Variants in IL23R observed in about 807,000 individuals in gnomAD.
IL23R encodes the protein interleukin-23 receptor.
IL23R carries 34 observed loss-of-function variants against 56.9 expected under a neutral mutation model. The observed-to-expected ratio is 0.60, with a 90% confidence interval of 0.45 to 0.80. IL23R has a LOEUF of 0.80. IL23R is among the 30% of genes least tolerant of loss of function. IL23R has a pLI of 0.00. For missense variants in IL23R, 635 were observed against 730.0 expected, an observed-to-expected ratio of 0.87 and a Z score of 1.50; for synonymous variants, 230 against 249.2, an observed-to-expected ratio of 0.92 and a Z score of 0.73.
At chr1:67,179,906 A>G (rs9677757) in intron 3 of IL23R, among the ~76,000 whole-genome samples, 2 of 152,216 alleles carry the variant, frequency 1.3e-5, no homozygotes, top group Admixed American at 1.3e-4. Flanking sequence ...CAGGTTGTTC[A>G]GTTTCCATGT....
intron 9 of IL23R, among the ~76,000 whole-genome samples, chr1:67,248,479 C>A (rs1284552355): frequency 6.6e-6 from 1 of 152,042 alleles, no homozygotes; most frequent in Non-Finnish European, 1.5e-5. Flanking sequence ...CATTTATGTT[C>A]TTCTCTACCC....
chr1:67,197,625 T>G (rs568892814), intron 4 of IL23R, among the ~76,000 whole-genome samples: 60 of 152,348 alleles, frequency 3.9e-4, no homozygotes, highest in African/African-American at 1.4e-3. Context: ...GACACTCCTG[T>G]GTTAGTCCAT....
Position 67,258,567 on chromosome 1 carries a change from A to G in IL23R, c.1329A>G (p.Pro443=), listed in dbSNP as rs775838355. ...MITEIKEIFI[P]EHKPTDYKKE... ...CAGAGATAAAAGAAATCTTCATCCCAGAACACAAGCCTACAGACTACAAGA... is the reference window on the plus strand; with the variant it reads ...CAGAGATAAAAGAAATCTTCATCCCGGAACACAAGCCTACAGACTACAAGA... The change falls in exon 11 of 11, where the codon CCA becomes CCG. Residue 443 remains proline (P), a synonymous_variant. Coordinates refer to ENST00000347310, the MANE Select transcript of IL23R (RefSeq NM_144701.3). 7.4e-6 allele frequency: 12 copies of G among 1,611,760 alleles called. No individual in the cohort carries two copies. Among genetic ancestry groups the G allele is most frequent in the African/African-American group, 4.0e-5 (3 of 74,816 alleles).
chr1:67,203,639 A>G (rs1648791632), intron 5 of IL23R, among the ~76,000 whole-genome samples: 1 of 152,222 alleles, frequency 6.6e-6, no homozygotes, highest in Non-Finnish European at 1.5e-5. Context: ...CAAAACCACC[A>G]GATTATTAAC....
intron 3 of IL23R, among the ~76,000 whole-genome samples, chr1:67,180,047 T>TCAG (rs1647085623): frequency 6.6e-6 from 1 of 151,766 alleles, no homozygotes; most frequent in African/African-American, 2.4e-5. Flanking sequence ...GACTATGTGG[T>TCAG]CAATTTGGAA....
chr1:67,200,753 G>A lies in IL23R; in HGVS notation c.508G>A (p.Glu170Lys). ...TGTTTTAAGTTTAGAGACAGAAGAA[G>A]AGCAACAGTATCTCACCTCAAGCTA... ...VHVKSLETEEEQQYLTSSYIN... is the reference protein window; with the variant it reads ...VHVKSLETEEKQQYLTSSYIN... Residue 170 changes from glutamate (E) to lysine (K), a missense_variant, in exon 5 of 11, where the codon GAG becomes AAG. Glu to Lys is a moderately conservative substitution (Grantham distance 56). Transcript: ENST00000347310. The A allele has an allele frequency of 6.2e-7, 1 of 1,613,438 alleles. No individual in the cohort carries two copies. The highest frequency in any genetic ancestry group is 8.5e-7 in the Non-Finnish European group (1 of 1,179,678).
chr1:67,157,691 G>A (rs1279696317), intron 1 of IL23R, among the ~76,000 whole-genome samples: 1 of 152,118 alleles, frequency 6.6e-6, no homozygotes, highest in Non-Finnish European at 1.5e-5. Flanking sequence ...TTAGATCTTT[G>A]CTCAAATATT....
upstream of IL23R, among the ~76,000 whole-genome samples, chr1:67,164,626 T>C (rs1252613138): frequency 1.4e-5 from 2 of 138,690 alleles, no homozygotes; most frequent in Non-Finnish European, 1.6e-5. Context: ...AGCAAAACTC[T>C]GTCACAAAAT....
intron 3 of IL23R, among the ~76,000 whole-genome samples, chr1:67,175,365 T>C (rs1646993948): frequency 1.3e-5 from 2 of 152,126 alleles, no homozygotes; most frequent in Non-Finnish European, 2.9e-5. Context: ...AAATGTACCA[T>C]TTTTACCATG....
intron 4 of IL23R, chr1:67,196,097 G>C (rs948934926): frequency 6.6e-6 from 1 of 152,352 alleles, no homozygotes; most frequent in African/African-American, 2.4e-5. Context: ...TCCCCTGAGA[G>C]AGAGGGCAGT....
At chr1:67,262,254 G>A (rs943902079), downstream of IL23R, among the ~76,000 whole-genome samples, 53 of 152,194 alleles carry the variant, frequency 3.5e-4, no homozygotes, top group African/African-American at 1.2e-3. Context: ...CTAGGGGGAA[G>A]AGACAGACAG....
At chr1:67,192,758 C>T (rs1424662928) in intron 4 of IL23R, among the ~76,000 whole-genome samples, 5 of 152,120 alleles carry the variant, frequency 3.3e-5, no homozygotes, top group South Asian at 2.1e-4. Context: ...CAAAACCTTC[C>T]GGCTCTATCT....
intron 8 of IL23R, 59 bp from the exon 9 acceptor site, chr1:67,240,120 T>C (rs1651756546): frequency 8.6e-7 from 1 of 1,166,258 alleles, no homozygotes; most frequent in African/African-American, 1.5e-5. Context: ...AGAATAGTAA[T>C]TCTGGTATCA....
intron 4 of IL23R, among the ~76,000 whole-genome samples, chr1:67,183,448 T>C (rs967963804): frequency 6.6e-6 from 1 of 152,102 alleles, no homozygotes; most frequent in African/African-American, 2.4e-5. Flanking sequence ...GGCAGGAGAA[T>C]TGCTTGAACC....
intron 4 of IL23R, 54 bp from the exon 5 acceptor site, chr1:67,200,683 C>T: frequency 6.3e-7 from 1 of 1,578,106 alleles, no homozygotes; most frequent in Admixed American, 1.7e-5. Context: ...CCATGCCTGG[C>T]CAATTAATTC....
intron 6 of IL23R, among the ~76,000 whole-genome samples, chr1:67,218,559 G>C (rs1192465425): frequency 1.3e-5 from 2 of 151,486 alleles, no homozygotes; most frequent in Admixed American, 1.3e-4. Flanking sequence ...ATTGCTATCA[G>C]CTACCATTTC....
downstream of IL23R, among the ~76,000 whole-genome samples, chr1:67,262,233 G>T (rs1380435083): frequency 6.6e-6 from 1 of 152,138 alleles, no homozygotes; most frequent in African/African-American, 2.4e-5. Flanking sequence ...TGCAGGCTTG[G>T]GGCTTATATC....
intron 1 of IL23R, among the ~76,000 whole-genome samples, chr1:67,143,074 C>G (rs1253545465): frequency 6.6e-6 from 1 of 151,936 alleles, no homozygotes; most frequent in African/African-American, 2.4e-5. Context: ...TTTCGAAGCC[C>G]AAGATCTTTC....
chr1:67,255,205 CT>C (rs1350187019), intron 9 of IL23R, among the ~76,000 whole-genome samples: 1 of 152,122 alleles, frequency 6.6e-6, no homozygotes, highest in Admixed American at 6.5e-5. Context: ...ACATGGGAAT[CT>C]TCTGGTTATG....
Sources: gnomAD v4.1 joint callset for allele counts (sites outside exome capture counted in the v4.1 genomes callset) on GRCh38, gnomAD v4.1.1 for gene constraint, MANE v1.5 for transcripts, NCBI Gene and HGNC (gene_info 2026-07-23, HGNC 2026-07-21) for gene names.